The following RBFOX1 variants were observed in gnomAD, a reference collection of about 807,000 sequenced individuals.
RBFOX1 encodes the protein RNA binding protein fox-1 homolog 1.
RBFOX1 carries 8 observed loss-of-function variants against 57.7 expected under a neutral mutation model. That is an observed-to-expected ratio of 0.14 (90% CI 0.08 to 0.25). The LOEUF (loss-of-function observed/expected upper bound fraction) is 0.25. Among genes scored for constraint, RBFOX1 ranks in the 10% least tolerant of loss-of-function variants. The pLI, the probability that RBFOX1 is intolerant of heterozygous loss-of-function variation, is 1.00. For missense variants in RBFOX1, 611 were observed against 548.5 expected (o/e 1.11, Z -1.14); for synonymous variants, 326 against 222.4 (o/e 1.47, Z -4.15).
At chr16:5,648,781 A>C (rs1405317493) in intron 3 of RBFOX1, among the ~76,000 whole-genome samples, 6 of 152,182 alleles carry the variant, frequency 3.9e-5, no homozygotes, top group African/African-American at 1.4e-4. Flanking sequence ...ATCACATTTT[A>C]GGCCAGGCAC....
intron 14 of RBFOX1, among the ~76,000 whole-genome samples, chr16:7,688,773 A>G (rs1162017612): frequency 1.3e-5 from 2 of 152,256 alleles, no homozygotes; most frequent in East Asian, 3.9e-4. Context: ...GAGACAGACC[A>G]TGGCATATGC....
intron 1 of RBFOX1, among the ~76,000 whole-genome samples, chr16:6,234,266 C>T (rs11644267): frequency 0.19 from 29,377 of 152,158 alleles, 3,655 homozygotes; most frequent in East Asian, 0.45. Flanking sequence ...CAATTTTTTA[C>T]AGAAGCTAAA....
intron 4 of RBFOX1, among the ~76,000 whole-genome samples, chr16:5,966,746 T>C (rs1394678289): frequency 1.3e-5 from 2 of 152,070 alleles, no homozygotes; most frequent in Admixed American, 6.6e-5. Flanking sequence ...GAAACCTGTC[T>C]CCATGATCAC....
In RBFOX1 at chr16:5,352,302, A is replaced by T. The variant is rs564177053; in HGVS notation, c.219+112197A>T. 2.0e-5 allele frequency among the ~76,000 whole-genome samples: 3 copies of T among 152,282 alleles called. No individual in the cohort carries two copies. The South Asian group carries it at 6.2e-4, about 32-fold the overall frequency. ...AAGCTGAGCAGCTATATCCAACTTT[A>T]AAAAAGTTCACATACATTTAACCTA... is the stretch of plus-strand genomic sequence containing the variant. On this transcript the variant is annotated intron_variant, in intron 1 of 2. Coordinates refer to the RBFOX1 transcript ENST00000585867.
At chr16:5,635,079 G>A (rs949444399) in intron 3 of RBFOX1, among the ~76,000 whole-genome samples, 1 of 152,150 alleles carries the variant, frequency 6.6e-6, no homozygotes, top group Admixed American at 6.6e-5. Context: ...ATGCTAGCCA[G>A]CCCCAAATGG....
chr16:7,356,497 G>A (rs1287051204), intron 4 of RBFOX1, among the ~76,000 whole-genome samples: 1 of 152,112 alleles, frequency 6.6e-6, no homozygotes, highest in Non-Finnish European at 1.5e-5. Flanking sequence ...TGTGATGGAG[G>A]AGGAGCCTGG....
intron 3 of RBFOX1, among the ~76,000 whole-genome samples, chr16:5,762,406 G>C (rs2053624018): frequency 6.6e-6 from 1 of 151,606 alleles, no homozygotes; most frequent in Non-Finnish European, 1.5e-5. Flanking sequence ...TTGGCCAAGA[G>C]GGTTGGGAGT....
At chr16:5,772,279 A>C (rs1312719576) in intron 3 of RBFOX1, among the ~76,000 whole-genome samples, 1 of 152,224 alleles carries the variant, frequency 6.6e-6, no homozygotes, top group African/African-American at 2.4e-5. Context: ...TGTGGAAAAC[A>C]GCCAGACTTA....
At chr16:7,279,806 A>T (rs1882586) in intron 4 of RBFOX1, among the ~76,000 whole-genome samples, 18,504 of 152,226 alleles carry the variant, frequency 0.12, 1,545 homozygotes, top group South Asian at 0.24. Context: ...CCCACAAGGA[A>T]AGGCAACTTC....
intron 3 of RBFOX1, among the ~76,000 whole-genome samples, chr16:6,977,174 A>G (rs1228071259): frequency 3.4e-5 from 5 of 146,856 alleles, no homozygotes; most frequent in Admixed American, 2.8e-4. Flanking sequence ...ATTATCATAT[A>G]TAGATCATAT....
chr16:7,504,551 A>G (rs886140589), intron 4 of RBFOX1, among the ~76,000 whole-genome samples: 2 of 149,966 alleles, frequency 1.3e-5, no homozygotes. Flanking sequence ...AAAAAGGTCA[A>G]TTATAGATAA....
At chr16:6,074,450 C>G (rs985939589) in intron 1 of RBFOX1, among the ~76,000 whole-genome samples, 3 of 152,198 alleles carry the variant, frequency 2.0e-5, no homozygotes, top group Non-Finnish European at 4.4e-5. Flanking sequence ...GATAAAATCT[C>G]TTTGGTTGGT....
chr16:6,208,948 C>A (rs1266082854), intron 1 of RBFOX1, among the ~76,000 whole-genome samples: 1 of 152,148 alleles, frequency 6.6e-6, no homozygotes, highest in African/African-American at 2.4e-5. Context: ...CACTTGCTCA[C>A]TTCCCCCATT....
chr16:5,240,906 G>A lies in RBFOX1; in HGVS notation c.219+801G>A, dbSNP rs111548215. Among the ~76,000 whole-genome samples the A allele has an allele frequency of 3.4e-3, 525 of 152,316 alleles. 4 individuals are homozygous for A. The highest frequency in any genetic ancestry group is 0.02 in the East Asian group (103 of 5,164). On this transcript the variant is annotated intron_variant, in intron 1 of 2. Transcript: ENST00000585867. The stretch of plus-strand genomic sequence containing the variant: ...TCCACTGGGGAGGCACGCGGGTTTG[G>A]AGGGCAGATGAGGGCCCCCTGGAGA...
intron 3 of RBFOX1, among the ~76,000 whole-genome samples, chr16:6,731,068 C>G (rs1186319192): frequency 6.6e-6 from 1 of 152,158 alleles, no homozygotes; most frequent in African/African-American, 2.4e-5. Context: ...ATTCCTACCT[C>G]AGGAATATCC....
chr16:6,557,152 CATATATATACACATAT>C (rs2097115758), intron 2 of RBFOX1, among the ~76,000 whole-genome samples: 1 of 142,834 alleles, frequency 7.0e-6, no homozygotes, highest in Admixed American at 7.0e-5. Flanking sequence ...TATATACACA[CATATATATACACATAT>C]ATATATATAC....
intron 2 of RBFOX1, among the ~76,000 whole-genome samples, chr16:6,452,940 G>C (rs536476370): frequency 4.6e-4 from 70 of 152,264 alleles, no homozygotes; most frequent in African/African-American, 1.6e-3. Flanking sequence ...ATTAGTTCCT[G>C]TTCTCCATGC....
intron 3 of RBFOX1, among the ~76,000 whole-genome samples, chr16:6,785,508 T>A (rs2081802266): frequency 6.6e-6 from 1 of 152,186 alleles, no homozygotes; most frequent in Non-Finnish European, 1.5e-5. Context: ...CTTTCCATCC[T>A]ACCTTCCCCA....
chr16:6,074,240 G>C (rs1401969020), intron 1 of RBFOX1, among the ~76,000 whole-genome samples: 1 of 152,100 alleles, frequency 6.6e-6, no homozygotes, highest in African/African-American at 2.4e-5. Flanking sequence ...GAGCCACAGC[G>C]CCCGGCCATC....
Sources: gnomAD v4.1 joint callset for allele counts (sites outside exome capture counted in the v4.1 genomes callset) on GRCh38, gnomAD v4.1.1 for gene constraint, MANE v1.5 for transcripts, NCBI Gene and HGNC (gene_info 2026-07-23, HGNC 2026-07-21) for gene names.